CCDC81: variants seen among roughly 807,000 people sequenced by gnomAD.
CCDC81 encodes coiled-coil domain containing 81, also known as coiled-coil domain-containing protein 81.
In CCDC81, 79 loss-of-function variants were observed where a neutral mutation model predicts 83.7. The ratio of observed to expected loss-of-function variants is 0.94; its 90% CI spans 0.79 to 1.14. The LOEUF (loss-of-function observed/expected upper bound fraction) is 1.14, where lower values mean the gene tolerates loss of function less well. Ranked by LOEUF, CCDC81 falls within the 50% of genes most tolerant of loss-of-function variation. The pLI, the probability that CCDC81 is intolerant of heterozygous loss-of-function variation, is 0.00. For synonymous variants in CCDC81, 252 were observed against 278.1 expected (o/e 0.91, Z 0.93); for missense variants, 791 against 778.1 (o/e 1.02, Z -0.20).
intron 7 of CCDC81, among the ~76,000 whole-genome samples, chr11:86,403,843 G>A (rs1948527205): frequency 6.6e-6 from 1 of 152,206 alleles, no homozygotes; most frequent in South Asian, 2.1e-4. Flanking sequence ...AAGGTAATAA[G>A]GGTATGAAAC....
intron 3 of CCDC81, among the ~76,000 whole-genome samples, chr11:86,391,538 C>A (rs1335157811): frequency 2.0e-5 from 3 of 152,120 alleles, no homozygotes; most frequent in Non-Finnish European, 4.4e-5. Flanking sequence ...TTCTTTCAAG[C>A]TAGATATAAT....
chr11:86,394,072 G>C (rs1948370593), intron 4 of CCDC81, among the ~76,000 whole-genome samples: 1 of 152,164 alleles, frequency 6.6e-6, no homozygotes, highest in Non-Finnish European at 1.5e-5. Context: ...CCCTGTGTGT[G>C]GAAAGTGGGA....
At chr11:86,407,990 C>A in intron 8 of CCDC81, 137 bp from the exon 9 acceptor site, 1 of 819,374 alleles carries the variant, frequency 1.2e-6, no homozygotes, top group Non-Finnish European at 1.9e-6. Flanking sequence ...CTCTGCAAAT[C>A]TCATTTTGCT....
At chr11:86,383,423 G>C (rs1232077063) in intron 1 of CCDC81, among the ~76,000 whole-genome samples, 1 of 152,172 alleles carries the variant, frequency 6.6e-6, no homozygotes, top group African/African-American at 2.4e-5. Flanking sequence ...TTACAGAACA[G>C]GCATGTAGGA....
intron 13 of CCDC81, 105 bp downstream of exon 13, chr11:86,415,418 T>C (rs1428725546): frequency 3.1e-5 from 26 of 845,304 alleles, no homozygotes; most frequent in Middle Eastern, 7.1e-4. Context: ...TCTCATACAA[T>C]AGTGGAGAAA....
At chr11:86,409,717 G>T (rs1027510148) in intron 10 of CCDC81, among the ~76,000 whole-genome samples, 1 of 152,192 alleles carries the variant, frequency 6.6e-6, no homozygotes, top group Non-Finnish European at 1.5e-5. Context: ...CCAAAGTGCT[G>T]GGATTACAAG....
chr11:86,400,530 CA>C (rs1296680139), intron 6 of CCDC81, 147 bp from the exon 7 acceptor site: 1 of 794,678 alleles, frequency 1.3e-6, no homozygotes, highest in Non-Finnish European at 1.9e-6. Context: ...ACAGCAAAAA[CA>C]TTTTTTTATA....
chr11:86,412,092 C>A (rs1314588169), intron 10 of CCDC81, among the ~76,000 whole-genome samples: 1 of 152,220 alleles, frequency 6.6e-6, no homozygotes, highest in African/African-American at 2.4e-5. Context: ...TTGGCTACAG[C>A]ACCCAATTAA....
intron 10 of CCDC81, among the ~76,000 whole-genome samples, chr11:86,410,130 TG>T (rs1285219797): frequency 6.6e-6 from 1 of 152,234 alleles, no homozygotes. Flanking sequence ...ATTCAGATGG[TG>T]GTGAGCCAAC....
chr11:86,408,155 C>T lies in CCDC81; in HGVS notation c.998C>T (p.Ala333Val), dbSNP rs1267952818. Residue 333 changes from alanine to valine, a missense_variant, in exon 9 of 15, where the codon GCA becomes GTA. By Grantham distance (64) the Ala-to-Val change is moderately conservative. Transcript: ENST00000445632. ...QEMCYVCLQR[A>V]QRNSLLYYSE... ...ATGTGCTATGTATGTTTGCAACGAG[C>T]ACAACGAAATTCCCTGTTGTACTAC... 1.2e-6 allele frequency: 2 copies of T among 1,613,358 alleles called. No individual in the cohort carries two copies. The highest frequency in any genetic ancestry group is 2.2e-5 in the South Asian group (2 of 90,902).
intron 9 of CCDC81, 77 bp downstream of exon 9, chr11:86,408,347 T>G: frequency 7.2e-7 from 1 of 1,382,350 alleles, no homozygotes; most frequent in Non-Finnish European, 9.6e-7. Context: ...TATTATTTTT[T>G]ATTGGCGCAG....
At chr11:86,379,080 CT>C (rs145360981) in intron 1 of CCDC81, among the ~76,000 whole-genome samples, 2,256 of 151,270 alleles carry the variant, frequency 0.015, 127 homozygotes, top group East Asian at 0.13. Flanking sequence ...CCATTTTCTC[CT>C]TTTTCAGCAT....
chr11:86,421,044 G>A (rs965529676), intron 14 of CCDC81, among the ~76,000 whole-genome samples: 24 of 152,198 alleles, frequency 1.6e-4, no homozygotes, highest in African/African-American at 5.3e-4. Context: ...AGGAAATAAT[G>A]TTGAGTGGCA....
intron 11 of CCDC81, among the ~76,000 whole-genome samples, chr11:86,413,262 C>T (rs796413585): frequency 6.9e-6 from 1 of 145,854 alleles, no homozygotes; most frequent in Non-Finnish European, 1.5e-5. Flanking sequence ...GTGTTTCTCT[C>T]GACGTCCAGC....
intron 6 of CCDC81, 141 bp downstream of exon 6, chr11:86,397,883 G>T: frequency 2.1e-6 from 2 of 957,700 alleles, no homozygotes; most frequent in Non-Finnish European, 2.8e-6. Context: ...ATGGAGTCTC[G>T]CTGTTGCCCA....
At chr11:86,393,702 C>T (rs1377527569) in intron 4 of CCDC81, among the ~76,000 whole-genome samples, 1 of 152,170 alleles carries the variant, frequency 6.6e-6, no homozygotes, top group African/African-American at 2.4e-5. Context: ...TCATTATTGT[C>T]AACCATTAAG....
chr11:86,409,529 T>C (rs1948609327), intron 10 of CCDC81, among the ~76,000 whole-genome samples, 164 bp downstream of exon 10: 2 of 152,208 alleles, frequency 1.3e-5, no homozygotes, highest in African/African-American at 4.8e-5. Flanking sequence ...CTCAGCTCAC[T>C]GCAACTCTGC....
intron 1 of CCDC81, among the ~76,000 whole-genome samples, chr11:86,383,998 A>T (rs1000798241): frequency 2.0e-5 from 3 of 152,232 alleles, no homozygotes; most frequent in African/African-American, 7.2e-5. Flanking sequence ...CAAATTTTCA[A>T]TTAAACTCAG....
At chr11:86,403,503 A>G (rs868007334) in intron 7 of CCDC81, among the ~76,000 whole-genome samples, 1 of 152,212 alleles carries the variant, frequency 6.6e-6, no homozygotes, top group South Asian at 2.1e-4. Flanking sequence ...TTCTTTTAGA[A>G]GAGTAAAGAA....
Sources: gnomAD v4.1 joint callset for allele counts (sites outside exome capture counted in the v4.1 genomes callset) on GRCh38, gnomAD v4.1.1 for gene constraint, MANE v1.5 for transcripts, NCBI Gene and HGNC (gene_info 2026-07-23, HGNC 2026-07-21) for gene names.